PREX2: variants seen among roughly 807,000 people sequenced by gnomAD.
PREX2 encodes phosphatidylinositol-3,4,5-trisphosphate dependent Rac exchange factor 2.
PREX2 carries 107 observed loss-of-function variants against 203.2 expected under a neutral mutation model. The ratio of observed to expected loss-of-function variants is 0.53; its 90% CI spans 0.45 to 0.62. The LOEUF is 0.62. Among genes scored for constraint, PREX2 ranks in the 20% least tolerant of loss-of-function variants. PREX2 has a pLI of 0.00. For missense variants in PREX2, 1,777 were observed against 1,955.9 expected, an observed-to-expected ratio of 0.91 and a Z score of 1.72; for synonymous variants, 672 against 663.6, an observed-to-expected ratio of 1.01 and a Z score of -0.19.
At chr8:68,184,494 C>A (rs373067615) in intron 35 of PREX2, among the ~76,000 whole-genome samples, 69 of 152,242 alleles carry the variant, frequency 4.5e-4, no homozygotes, top group African/African-American at 1.5e-3. Flanking sequence ...TGCATAAAAG[C>A]AACCTAATAC....
intron 7 of PREX2, among the ~76,000 whole-genome samples, chr8:68,042,668 A>G (rs1414569175): frequency 1.3e-5 from 2 of 152,102 alleles, no homozygotes; most frequent in Non-Finnish European, 2.9e-5. Context: ...AATAGAATCA[A>G]TACATTTAAA....
intron 34 of PREX2, among the ~76,000 whole-genome samples, chr8:68,146,749 G>A (rs1811334628): frequency 6.6e-6 from 1 of 152,108 alleles, no homozygotes; most frequent in Non-Finnish European, 1.5e-5. Flanking sequence ...TATCACACAT[G>A]TATGTCTATA....
chr8:67,976,362 A>C, intron 1 of PREX2, among the ~76,000 whole-genome samples: 1 of 152,008 alleles, frequency 6.6e-6, no homozygotes, highest in Admixed American at 6.6e-5. Flanking sequence ...AGACCCTGGA[A>C]TATGAAACAC....
At chr8:68,096,588 A>T (rs1276253754) in intron 21 of PREX2, among the ~76,000 whole-genome samples, 1 of 152,170 alleles carries the variant, frequency 6.6e-6, no homozygotes, top group African/African-American at 2.4e-5. Flanking sequence ...TGATTCTTGC[A>T]TCTCCTTTCT....
Position 68,157,419 on chromosome 8 carries a change from G to A in PREX2, c.4329G>A (p.Gln1443=), listed in dbSNP as rs762727483. The A allele has an allele frequency of 6.2e-7, 1 of 1,605,152 alleles. No individual in the cohort carries two copies. The highest frequency in any genetic ancestry group is 8.5e-7 in the Non-Finnish European group (1 of 1,172,336). Residue 1443 remains glutamine, a synonymous_variant, in exon 35 of 40, where the codon CAG becomes CAA. Transcript: ENST00000288368. ...INAASLEKVK[Q]YNQKLRAFYL... is the part of the protein sequence containing the mutation. ...CAGCCTCACTGGAAAAGGTCAAACAGTACAACCAGAAGCTCAGGTATGTAA... is the reference window on the plus strand; with the variant it reads ...CAGCCTCACTGGAAAAGGTCAAACAATACAACCAGAAGCTCAGGTATGTAA...
intron 22 of PREX2, among the ~76,000 whole-genome samples, chr8:68,098,972 A>ATATATATATG (rs1810178541): frequency 7.0e-6 from 1 of 142,980 alleles, no homozygotes; most frequent in African/African-American, 2.6e-5. Flanking sequence ...ATATATATAT[A>ATATATATATG]TATATCTCAC....
chr8:68,008,400 T>C (rs973775379), intron 1 of PREX2, among the ~76,000 whole-genome samples: 1 of 150,486 alleles, frequency 6.6e-6, no homozygotes, highest in African/African-American at 2.5e-5. Context: ...AGGGGTGATA[T>C]GTTGAATGAA....
intron 35 of PREX2, among the ~76,000 whole-genome samples, chr8:68,187,030 CTT>C (rs35395127): frequency 1.4e-5 from 2 of 145,032 alleles, no homozygotes; most frequent in Admixed American, 6.9e-5. Context: ...TCAATGACAA[CTT>C]TTTTTTTTTT....
At chr8:68,109,327 A>T (rs1047332519) in intron 24 of PREX2, 89 bp from the exon 25 acceptor site, 4 of 940,172 alleles carry the variant, frequency 4.3e-6, no homozygotes, top group Non-Finnish European at 4.8e-6. Context: ...TTATCTGTCA[A>T]TTAAAAAATA....
At chr8:68,032,889 G>T (rs1037805317) in intron 6 of PREX2, among the ~76,000 whole-genome samples, 1 of 152,082 alleles carries the variant, frequency 6.6e-6, no homozygotes, top group Admixed American at 6.6e-5. Flanking sequence ...CTTATGCTAG[G>T]AAACAGCTCC....
chr8:67,991,616 A>G (rs777836585), intron 1 of PREX2, among the ~76,000 whole-genome samples: 6 of 152,226 alleles, frequency 3.9e-5, no homozygotes, highest in Non-Finnish European at 8.8e-5. Context: ...CATGGGGGAA[A>G]CCACCCCCAT....
chr8:68,074,968 T>C (rs1033820949), intron 14 of PREX2, among the ~76,000 whole-genome samples: 3 of 152,240 alleles, frequency 2.0e-5, no homozygotes, highest in Non-Finnish European at 2.9e-5. Flanking sequence ...TATAGTATAA[T>C]GGTTTGTAAT....
chr8:67,968,970 T>C (rs1805849147), intron 1 of PREX2, among the ~76,000 whole-genome samples: 2 of 152,196 alleles, frequency 1.3e-5, no homozygotes, highest in Non-Finnish European at 2.9e-5. Flanking sequence ...CCTTGAACTC[T>C]GTAACAGAAT....
chr8:68,213,348 A>G (rs1812776574), intron 37 of PREX2, among the ~76,000 whole-genome samples: 1 of 152,230 alleles, frequency 6.6e-6, no homozygotes, highest in South Asian at 2.1e-4. Context: ...ATGTGAACAC[A>G]GTGCTAAGGC....
intron 20 of PREX2, among the ~76,000 whole-genome samples, chr8:68,091,918 A>C (rs1168261897): frequency 6.6e-6 from 1 of 152,220 alleles, no homozygotes; most frequent in African/African-American, 2.4e-5. Context: ...CCATTGCCAC[A>C]AAATAGACCA....
At chr8:68,002,294 T>C (rs772416938) in intron 1 of PREX2, among the ~76,000 whole-genome samples, 1 of 151,888 alleles carries the variant, frequency 6.6e-6, no homozygotes, top group Non-Finnish European at 1.5e-5. Context: ...ATTATAGGTG[T>C]GTGCCATCAC....
chr8:68,103,933 G>A (rs1307735703), intron 23 of PREX2, among the ~76,000 whole-genome samples: 2 of 152,004 alleles, frequency 1.3e-5, no homozygotes, highest in Non-Finnish European at 2.9e-5. Context: ...CAGGGTCCTG[G>A]CCTGTTTGAC....
intron 25 of PREX2, among the ~76,000 whole-genome samples, chr8:68,113,575 A>G (rs1029922580): frequency 1.3e-5 from 2 of 152,226 alleles, no homozygotes; most frequent in African/African-American, 4.8e-5. Context: ...AAAAATGTTC[A>G]CAGGGCCTCA....
At chr8:67,992,042 T>G (rs7016022) in intron 1 of PREX2, among the ~76,000 whole-genome samples, 1 of 151,888 alleles carries the variant, frequency 6.6e-6, no homozygotes, top group Non-Finnish European at 1.5e-5. Flanking sequence ...GCCCAAGCAA[T>G]GCATTAAGTA....
Sources: gnomAD v4.1 joint callset for allele counts (sites outside exome capture counted in the v4.1 genomes callset) on GRCh38, gnomAD v4.1.1 for gene constraint, MANE v1.5 for transcripts, NCBI Gene and HGNC (gene_info 2026-07-23, HGNC 2026-07-21) for gene names.